Variants in TMEM131L observed in about 807,000 individuals in gnomAD.
The protein encoded by TMEM131L is transmembrane protein 131-like.
TMEM131L carries 54 observed loss-of-function variants against 192.2 expected under a neutral mutation model. The ratio of observed to expected loss-of-function variants is 0.28; its 90% CI spans 0.23 to 0.35. The LOEUF is 0.35. TMEM131L is among the 10% of genes least tolerant of loss of function. The probability of loss-of-function intolerance (pLI) is 1.00; values close to 1 mark genes in which losing one functional copy is unlikely to be tolerated. For synonymous variants in TMEM131L, 701 were observed against 704.9 expected (o/e 0.99, Z 0.09); for missense variants, 1,888 against 1,972.9 (o/e 0.96, Z 0.82).
intron 3 of TMEM131L, among the ~76,000 whole-genome samples, chr4:153,476,622 G>A (rs1262287580): frequency 6.6e-6 from 1 of 152,072 alleles, no homozygotes; most frequent in African/African-American, 2.4e-5. Context: ...GCATGAACCC[G>A]GGAGGCGGAG....
intron 28 of TMEM131L, 113 bp from the exon 29 acceptor site, chr4:153,622,785 G>A: frequency 1.0e-6 from 1 of 954,498 alleles, no homozygotes; most frequent in Non-Finnish European, 1.7e-6. Context: ...GATGAGCAGA[G>A]GTAGCTGAAG....
intron 7 of TMEM131L, among the ~76,000 whole-genome samples, chr4:153,562,744 G>A (rs561227651): frequency 6.6e-6 from 1 of 152,312 alleles, no homozygotes; most frequent in South Asian, 2.1e-4. Context: ...GGTTTAGACA[G>A]AAATATGTCA....
chr4:153,517,459 A>G (rs971466386), intron 3 of TMEM131L, among the ~76,000 whole-genome samples: 18 of 151,894 alleles, frequency 1.2e-4, no homozygotes, highest in African/African-American at 4.1e-4. Context: ...CAGAAGTAAT[A>G]TATAGTGTGT....
chr4:153,600,676 G>A (rs935305330), intron 21 of TMEM131L, among the ~76,000 whole-genome samples: 1 of 152,192 alleles, frequency 6.6e-6, no homozygotes, highest in Non-Finnish European at 1.5e-5. Context: ...AACACAGAAA[G>A]CATTTTAGTG....
At position 153,602,570 on chromosome 4, in the gene TMEM131L, G is replaced by A. The variant is rs775073225; in HGVS notation, c.2482G>A (p.Val828Ile). 27 of 1,613,958 alleles carry A rather than the reference G, an allele frequency of 1.7e-5. 2 individuals carry two copies. In the South Asian group the frequency reaches 3.0e-4, roughly 18 times the overall value. Residue 828 changes from valine to isoleucine, a missense_variant, in exon 23 of 35, where the codon GTA becomes ATA. Val to Ile is a conservative substitution (Grantham distance 29). Coordinates refer to ENST00000409959, the MANE Select transcript of TMEM131L (RefSeq NM_001131007.2). Reference sequence around the variant, plus strand: ...CACTCCAGACTTTACCTCCTCCTGGGTAATTCGGGACCTAAGTCTTGTAAC... The same window carrying A: ...CACTCCAGACTTTACCTCCTCCTGGATAATTCGGGACCTAAGTCTTGTAAC... Reference protein sequence around the residue: ...VFTPDFTSSWVIRDLSLVTAA... With the variant: ...VFTPDFTSSWIIRDLSLVTAA...
At chr4:153,574,219 G>T (rs367802067) in intron 7 of TMEM131L, among the ~76,000 whole-genome samples, 2 of 152,282 alleles carry the variant, frequency 1.3e-5, no homozygotes, top group South Asian at 4.1e-4. Flanking sequence ...ACTAATTTCA[G>T]CCACTTCCTA....
intron 3 of TMEM131L, among the ~76,000 whole-genome samples, chr4:153,499,676 T>G (rs1373418632): frequency 4.6e-5 from 7 of 152,168 alleles, no homozygotes; most frequent in Admixed American, 3.3e-4. Flanking sequence ...CTGTCCACCT[T>G]GGCCTCCCAA....
At chr4:153,575,895 G>C (rs1384167845) in intron 7 of TMEM131L, among the ~76,000 whole-genome samples, 1 of 152,022 alleles carries the variant, frequency 6.6e-6, no homozygotes, top group East Asian at 1.9e-4. Context: ...CCTAGTATGT[G>C]GTTGCCCCCT....
At chr4:153,496,208 T>G (rs1368526276) in intron 3 of TMEM131L, among the ~76,000 whole-genome samples, 9 of 152,226 alleles carry the variant, frequency 5.9e-5, no homozygotes, top group Admixed American at 5.9e-4. Flanking sequence ...TGCCTAAGCA[T>G]TACTTCACAG....
chr4:153,586,458 T>C, intron 14 of TMEM131L, 79 bp downstream of exon 14: 1 of 1,074,374 alleles, frequency 9.3e-7, no homozygotes, highest in Admixed American at 3.0e-5. Flanking sequence ...TGCTTGAGTT[T>C]TATTAACTGG....
intron 7 of TMEM131L, among the ~76,000 whole-genome samples, chr4:153,573,032 A>G (rs956913985): frequency 6.6e-6 from 1 of 152,238 alleles, no homozygotes; most frequent in Non-Finnish European, 1.5e-5. Context: ...TATAGCATGT[A>G]TCAGAATTTT....
At chr4:153,551,641 C>T (rs1737630624) in intron 4 of TMEM131L, among the ~76,000 whole-genome samples, 1 of 151,846 alleles carries the variant, frequency 6.6e-6, no homozygotes, top group East Asian at 1.9e-4. Flanking sequence ...CAGGCATGAG[C>T]CACCGCACCC....
intron 29 of TMEM131L, among the ~76,000 whole-genome samples, 199 bp downstream of exon 29, chr4:153,623,282 A>G (rs1015449662): frequency 1.3e-5 from 2 of 151,666 alleles, no homozygotes; most frequent in African/African-American, 4.8e-5. Context: ...CATAATCATC[A>G]TCATTGTTTG....
chr4:153,491,988 C>T (rs752548972), intron 3 of TMEM131L, among the ~76,000 whole-genome samples: 1 of 152,030 alleles, frequency 6.6e-6, no homozygotes, highest in East Asian at 1.9e-4. Context: ...GCAGGAGCCA[C>T]CACACCTGGC....
chr4:153,636,158 A>C, intron 34 of TMEM131L, 143 bp from the exon 35 acceptor site: 2 of 844,060 alleles, frequency 2.4e-6, no homozygotes, highest in Non-Finnish European at 3.6e-6. Flanking sequence ...AAATGGAGTT[A>C]AAGCAACCCA....
chr4:153,628,227 G>A (rs1446114582), intron 31 of TMEM131L, among the ~76,000 whole-genome samples: 3 of 152,216 alleles, frequency 2.0e-5, no homozygotes, highest in Admixed American at 1.3e-4. Flanking sequence ...TTCTGCCTGC[G>A]GGGAAGGCAG....
chr4:153,467,428 C>T, intron 2 of TMEM131L, 147 bp downstream of exon 2: 1 of 694,836 alleles, frequency 1.4e-6, no homozygotes, highest in Non-Finnish European at 2.4e-6. Flanking sequence ...CGAGCCTGAA[C>T]ACCTGGCAAC....
intron 3 of TMEM131L, among the ~76,000 whole-genome samples, chr4:153,509,045 A>T (rs1350360686): frequency 6.6e-6 from 1 of 152,126 alleles, no homozygotes; most frequent in Admixed American, 6.5e-5. Context: ...AATTGTAAAT[A>T]ACACATCTTA....
intron 3 of TMEM131L, among the ~76,000 whole-genome samples, chr4:153,476,590 G>T (rs986017591): frequency 4.6e-5 from 7 of 151,998 alleles, no homozygotes; most frequent in African/African-American, 1.7e-4. Flanking sequence ...CCAGCTACTC[G>T]GGAGGCTGAG....
Sources: gnomAD v4.1 joint callset for allele counts (sites outside exome capture counted in the v4.1 genomes callset) on GRCh38, gnomAD v4.1.1 for gene constraint, MANE v1.5 for transcripts, NCBI Gene and HGNC (gene_info 2026-07-23, HGNC 2026-07-21) for gene names.